The following ZEB2 variants were observed in gnomAD, a reference collection of about 807,000 sequenced individuals.
ZEB2 encodes zinc finger E-box-binding homeobox 2.
A neutral mutation model predicts 99.9 loss-of-function variants in ZEB2; 6 were observed. The observed-to-expected ratio is 0.06, with a 90% CI of 0.03 to 0.12. ZEB2 has a LOEUF of 0.12. Among genes scored for constraint, ZEB2 ranks in the 10% least tolerant of loss-of-function variants. ZEB2 has a pLI of 1.00. For synonymous variants in ZEB2, 517 were observed against 542.5 expected (o/e 0.95, Z 0.65); for missense variants, 969 against 1,502.8 (o/e 0.64, Z 5.87).
chr2:144,453,442 T>A (rs1439770220), intron 2 of ZEB2, among the ~76,000 whole-genome samples: 2 of 152,230 alleles, frequency 1.3e-5, no homozygotes, highest in African/African-American at 4.8e-5. Flanking sequence ...TCATCTCAAA[T>A]AATTTTTCAC....
chr2:144,512,361 C>T lies in ZEB2; in HGVS notation c.73+4917G>A, dbSNP rs559455482. On this transcript the variant is annotated intron_variant, in intron 2 of 9. Transcript: ENST00000627532. ...AGAATCTCCCACATCTTAGAATAAA[C>T]GCGGCACTGCTAGAGGCTAGCAACG... 602 of 1,287,226 alleles carry T rather than the reference C, an allele frequency of 4.7e-4. 1 individual carries two copies. The African/African-American group carries it at 7.7e-3, about 16-fold the overall frequency. The allele number at this position is 1,287,226 out of a possible 1,614,324, so 79.7% of individuals were successfully genotyped here.
intron 2 of ZEB2, among the ~76,000 whole-genome samples, chr2:144,441,946 G>A (rs914379506): frequency 6.6e-5 from 10 of 152,184 alleles, no homozygotes; most frequent in African/African-American, 2.2e-4. Context: ...CTTACTGAAA[G>A]TTATTATTCA....
At chr2:144,422,415 C>CT (rs1703630665) in intron 4 of ZEB2, among the ~76,000 whole-genome samples, 1 of 152,210 alleles carries the variant, frequency 6.6e-6, no homozygotes, top group South Asian at 2.1e-4. Flanking sequence ...TCCTCCATGA[C>CT]TATTGAAAAT....
chr2:144,490,734 T>C (rs1259887559), intron 2 of ZEB2, among the ~76,000 whole-genome samples: 1 of 152,212 alleles, frequency 6.6e-6, no homozygotes, highest in Non-Finnish European at 1.5e-5. Context: ...GTTCATCATC[T>C]TCCTATGTCC....
intron 2 of ZEB2, among the ~76,000 whole-genome samples, chr2:144,487,475 A>AG (rs1704614811): frequency 6.6e-6 from 1 of 152,204 alleles, no homozygotes; most frequent in African/African-American, 2.4e-5. Flanking sequence ...GCAAAAAAGG[A>AG]GAAAAAAAGA....
chr2:144,515,230 G>A lies in ZEB2; in HGVS notation c.73+2048C>T, dbSNP rs149509145. 1.7e-3 allele frequency among the ~76,000 whole-genome samples: 252 copies of A among 152,028 alleles called. 2 individuals carry two copies. Among genetic ancestry groups the A allele is most frequent in the African/African-American group, 5.7e-3 (237 of 41,436 alleles). On this transcript the variant is annotated intron_variant, in intron 2 of 9. Coordinates refer to ENST00000627532, the MANE Select transcript of ZEB2 (RefSeq NM_014795.4). The stretch of plus-strand genomic sequence containing the variant: ...AAAAAAAAATGACTGTTTAACAGAA[G>A]AGGGAAAAAAGCCTCCTTGACACAA...
At chr2:144,406,023 A>G (rs1415128153) in intron 4 of ZEB2, among the ~76,000 whole-genome samples, 1 of 152,230 alleles carries the variant, frequency 6.6e-6, no homozygotes, top group Non-Finnish European at 1.5e-5. Flanking sequence ...GTGGAATCCT[A>G]TTATCATAGT....
intron 2 of ZEB2, among the ~76,000 whole-genome samples, chr2:144,434,492 CAAAGCCGGTACCAG>C (rs1349343783): frequency 6.6e-6 from 1 of 152,150 alleles, no homozygotes; most frequent in Non-Finnish European, 1.5e-5. Flanking sequence ...TAGTTGGTAG[CAAAGCCGGTACCAG>C]AAAGCATGTC....
chr2:144,402,868 T>G (rs1438186910), intron 6 of ZEB2, among the ~76,000 whole-genome samples: 1 of 152,230 alleles, frequency 6.6e-6, no homozygotes, highest in Non-Finnish European at 1.5e-5. Flanking sequence ...TGAGCTGTTC[T>G]CCTAAAATAG....
chr2:144,409,913 GTT>G (rs530632750), intron 4 of ZEB2, among the ~76,000 whole-genome samples: 16 of 133,360 alleles, frequency 1.2e-4, no homozygotes, highest in South Asian at 2.4e-4. Flanking sequence ...AAAAGTTGTT[GTT>G]TTTTTTTTTT....
chr2:144,439,821 G>A (rs1439414340), intron 2 of ZEB2, among the ~76,000 whole-genome samples: 11 of 152,176 alleles, frequency 7.2e-5, no homozygotes. Flanking sequence ...ATTCCAATGA[G>A]CAGTGGTACA....
chr2:144,405,006 G>A lies in ZEB2; in HGVS notation c.422C>T (p.Thr141Ile), dbSNP rs1703366182. 6.2e-7 allele frequency: 1 copy of A among 1,614,014 alleles called. No homozygotes were observed. Among genetic ancestry groups the A allele is most frequent in the African/African-American group, 1.3e-5 (1 of 75,056 alleles). ...GGCAAAGTATTCCTCAAAATCTGAT[G>A]TGCAATTTGCATTCTTCACTGAAAT... The part of the protein sequence containing the change: ...NNGTVKNANC[T>I]SDFEEYFAKR... The change falls in exon 5 of 10, where the codon ACA becomes ATA. Residue 141 changes from threonine to isoleucine, a missense_variant. This residue lies in a region of ZEB2 where 173 missense variants were observed against 217.7 expected (regional missense o/e 0.79). Transcript: ENST00000627532.
chr2:144,466,934 G>C (rs1704279839), intron 2 of ZEB2, among the ~76,000 whole-genome samples: 1 of 152,140 alleles, frequency 6.6e-6, no homozygotes, highest in African/African-American at 2.4e-5. Context: ...ATGTGCTGCA[G>C]GTGTGCAGGC....
intron 2 of ZEB2, among the ~76,000 whole-genome samples, chr2:144,447,748 G>A (rs902917202): frequency 2.0e-5 from 3 of 152,170 alleles, no homozygotes; most frequent in Non-Finnish European, 2.9e-5. Flanking sequence ...CCATCTAGCC[G>A]CTTTCAGGGC....
At position 144,399,731 on chromosome 2, in the gene ZEB2, A is replaced by C. The variant is rs747642752; in HGVS notation, c.1456T>G (p.Leu486Val). ...MDCKAEEISK[L>V]KGYHMKDPCS... The stretch of plus-strand genomic sequence containing the variant: ...GGATCCTTCATGTGATAACCTTTCA[A>C]CTTTGAAATTTCTTCAGCCTTGCAG... Residue 486 changes from leucine (L) to valine (V), a missense_variant, in exon 8 of 10, where the codon TTG becomes GTG. Physicochemically the swap from Leu to Val is conservative, Grantham distance 32. Transcript: ENST00000627532. This position sits in a 1 kb window ranked among gnomAD's most constrained non-coding sequence, Gnocchi z 5.6. 4 of 1,613,826 alleles carry C rather than the reference A, an allele frequency of 2.5e-6. No individual in the cohort carries two copies. The highest frequency in any genetic ancestry group is 3.4e-6 in the Non-Finnish European group (4 of 1,179,856).
chr2:144,460,337 G>T (rs1704175065), intron 2 of ZEB2, among the ~76,000 whole-genome samples: 1 of 151,892 alleles, frequency 6.6e-6, no homozygotes, highest in African/African-American at 2.4e-5. Context: ...ATATGGGGTG[G>T]GTGGTTGTTC....
At chr2:144,478,929 C>T (rs1704468468) in intron 2 of ZEB2, among the ~76,000 whole-genome samples, 1 of 152,102 alleles carries the variant, frequency 6.6e-6, no homozygotes, top group Non-Finnish European at 1.5e-5. Context: ...AGCTAAAAAT[C>T]AATTGAAGAA....
intron 2 of ZEB2, among the ~76,000 whole-genome samples, chr2:144,515,756 GACACACACACGC>G (rs1221039481): frequency 6.7e-6 from 1 of 148,334 alleles, no homozygotes; most frequent in East Asian, 2.0e-4. Context: ...ACAAGCAAAA[GACACACACACGC>G]ACACACACGC....
At chr2:144,459,004 G>C (rs979144311) in intron 2 of ZEB2, among the ~76,000 whole-genome samples, 1 of 152,116 alleles carries the variant, frequency 6.6e-6, no homozygotes, top group African/African-American at 2.4e-5. Context: ...ACGTCTGCTT[G>C]CCTGCTGTTT....
Sources: gnomAD v4.1 joint callset for allele counts (sites outside exome capture counted in the v4.1 genomes callset) on GRCh38, gnomAD v4.1.1 for gene constraint, gnomAD v4.1.1 regional missense constraint, Gnocchi (gnomAD v3.1) non-coding constraint, MANE v1.5 for transcripts, NCBI Gene and HGNC (gene_info 2026-07-23, HGNC 2026-07-21) for gene names.